B3GAT2: variants seen among roughly 807,000 people sequenced by gnomAD.
B3GAT2 encodes the protein galactosylgalactosylxylosylprotein 3-beta-glucuronosyltransferase 2.
Under a neutral mutation model 27.8 loss-of-function variants are expected in B3GAT2, and 26 were observed. The ratio of observed to expected loss-of-function variants is 0.93; its 90% CI spans 0.68 to 1.30. The LOEUF is 1.30. Among genes scored for constraint, B3GAT2 ranks in the 50% most tolerant of loss-of-function variants. The pLI, the probability that B3GAT2 is intolerant of heterozygous loss-of-function variation, is 0.00. For missense variants in B3GAT2, 458 were observed against 459.0 expected (o/e 1.00, Z 0.02); for synonymous variants, 218 against 195.1 (o/e 1.12, Z -0.98).
Position 70,956,332 on chromosome 6 carries a change from G to C in B3GAT2, c.98C>G (p.Pro33Arg), listed in dbSNP as rs768628314. 6.3e-7 allele frequency: 1 copy of C among 1,578,178 alleles called. No individual in the cohort carries two copies. The highest frequency in any genetic ancestry group is 8.6e-7 in the Non-Finnish European group (1 of 1,161,494). ...LDVDTRRPVP[P>R]LTPRPYFSPY... ...AGAGAAGTAGGGGCGCGGGGTGAGCGGGGGCACTGGCCTGCGCGTGTCCAC... is the reference window on the plus strand; with the variant it reads ...AGAGAAGTAGGGGCGCGGGGTGAGCCGGGGCACTGGCCTGCGCGTGTCCAC... The change falls in exon 1 of 4, where the codon CCG (proline) becomes CGG (arginine). Residue 33 changes from proline (P) to arginine (R), a missense_variant. Pro to Arg is a moderately radical substitution (Grantham distance 103). Coordinates refer to ENST00000230053, the MANE Select transcript of B3GAT2 (RefSeq NM_080742.3).
intron 1 of B3GAT2, among the ~76,000 whole-genome samples, chr6:70,900,252 A>G (rs757476380): frequency 1.6e-4 from 24 of 152,262 alleles, no homozygotes; most frequent in Non-Finnish European, 2.8e-4. Flanking sequence ...CACACAAGAT[A>G]TATTTGGTGC....
At chr6:70,870,239 T>C (rs1771911899) in intron 2 of B3GAT2, among the ~76,000 whole-genome samples, 1 of 151,516 alleles carries the variant, frequency 6.6e-6, no homozygotes. Flanking sequence ...ATGTCCTTTG[T>C]AGGGACATGG....
chr6:70,898,595 G>T (rs1772434261), intron 1 of B3GAT2, among the ~76,000 whole-genome samples: 1 of 152,116 alleles, frequency 6.6e-6, no homozygotes, highest in Non-Finnish European at 1.5e-5. Context: ...TTTTGGGTAA[G>T]ATAATCTTCT....
At chr6:70,909,696 T>A (rs1340059939) in intron 1 of B3GAT2, among the ~76,000 whole-genome samples, 1 of 152,216 alleles carries the variant, frequency 6.6e-6, no homozygotes, top group African/African-American at 2.4e-5. Flanking sequence ...TCTTTTGTGA[T>A]CCACTGCCCA....
At chr6:70,934,276 C>T (rs1773105172) in intron 1 of B3GAT2, among the ~76,000 whole-genome samples, 1 of 152,152 alleles carries the variant, frequency 6.6e-6, no homozygotes, top group Non-Finnish European at 1.5e-5. Flanking sequence ...CTTGGCATCC[C>T]TACATACGGC....
chr6:70,936,206 T>C (rs1245386057), intron 1 of B3GAT2, among the ~76,000 whole-genome samples: 1 of 152,000 alleles, frequency 6.6e-6, no homozygotes, highest in African/African-American at 2.4e-5. Flanking sequence ...GAGCTAACTA[T>C]CCTAAATATA....
At chr6:70,943,150 T>C (rs1056459912) in intron 1 of B3GAT2, among the ~76,000 whole-genome samples, 4 of 152,026 alleles carry the variant, frequency 2.6e-5, no homozygotes, top group African/African-American at 7.2e-5. Flanking sequence ...CAAATCCACC[T>C]CCAAGTTTTC....
intron 1 of B3GAT2, among the ~76,000 whole-genome samples, chr6:70,946,994 C>T (rs1490802347): frequency 1.3e-5 from 2 of 151,866 alleles, no homozygotes; most frequent in Admixed American, 6.6e-5. Context: ...GGGTACATAA[C>T]GAAATGAAGG....
intron 2 of B3GAT2, among the ~76,000 whole-genome samples, chr6:70,885,247 T>C (rs1411332573): frequency 6.6e-6 from 1 of 152,152 alleles, no homozygotes; most frequent in African/African-American, 2.4e-5. Context: ...AATTTGCATA[T>C]TGAATACTTG....
rs1225337694 is a variant in B3GAT2, at chr6:70,861,620, T to C, written c.*43A>G. On this transcript the variant is annotated 3_prime_UTR_variant, in exon 4 of 4. Coordinates refer to ENST00000230053, the MANE Select transcript of B3GAT2 (RefSeq NM_080742.3). ...TAAACTCCAAACATCCTCTTCCATA[T>C]GGATCCACTGGCTGGACAAACTGCA... is the stretch of plus-strand genomic sequence containing the variant. The C allele has an allele frequency of 1.3e-6, 2 of 1,563,586 alleles. No homozygotes were observed. Among genetic ancestry groups the C allele is most frequent in the East Asian group, 2.2e-5 (1 of 44,554 alleles).
intron 1 of B3GAT2, among the ~76,000 whole-genome samples, chr6:70,912,540 A>G (rs1772704341): frequency 6.6e-6 from 1 of 152,002 alleles, no homozygotes; most frequent in Non-Finnish European, 1.5e-5. Flanking sequence ...CTAGTATTTT[A>G]TTGAGAATTT....
chr6:70,858,039 TG>T lies in B3GAT2; in HGVS notation c.*3623del. ...GCTCCTGGCCTTATAGGAAATGTGATGGGACAGAGTCCAAGCATGATGGTGG... is the reference window on the plus strand; with the variant it reads ...GCTCCTGGCCTTATAGGAAATGTGATGGACAGAGTCCAAGCATGATGGTGG... On this transcript the variant is annotated 3_prime_UTR_variant, in exon 4 of 4. Coordinates refer to ENST00000230053, the MANE Select transcript of B3GAT2 (RefSeq NM_080742.3). The T allele has an allele frequency of 6.2e-7, 1 of 1,614,164 alleles. No homozygotes were observed. The highest frequency in any genetic ancestry group is 8.5e-7 in the Non-Finnish European group (1 of 1,180,006).
At chr6:70,928,783 A>T (rs1773008030) in intron 1 of B3GAT2, among the ~76,000 whole-genome samples, 1 of 151,692 alleles carries the variant, frequency 6.6e-6, no homozygotes, top group Non-Finnish European at 1.5e-5. Context: ...AGGCAGGAGA[A>T]AGAAATAAAA....
intron 2 of B3GAT2, among the ~76,000 whole-genome samples, chr6:70,862,747 ATC>A (rs1321612757): frequency 1.3e-5 from 2 of 152,158 alleles, no homozygotes; most frequent in African/African-American, 4.8e-5. Context: ...AGGCAGAAGG[ATC>A]TCTTGAGCCC....
chr6:70,956,720 C>G lies in B3GAT2; in HGVS notation c.-291G>C. 1 of 1,327,784 alleles carries G rather than the reference C, an allele frequency of 7.5e-7. No homozygotes were observed. The allele number at this position is 1,327,784 out of a possible 1,614,324, so 82.3% of individuals were successfully genotyped here. On this transcript the variant is annotated 5_prime_UTR_variant, in exon 1 of 4. Transcript: ENST00000230053. The stretch of plus-strand genomic sequence containing the variant: ...GGGACTCGGTCCAGCCGCGCGCCGC[C>G]GGTCCCGGAGTTGTGCCGAGTGCGG...
Position 70,956,828 on chromosome 6 carries a change from G to A in B3GAT2, c.-399C>T. 9.4e-7 allele frequency: 1 copy of A among 1,068,950 alleles called. No homozygotes were observed. Among genetic ancestry groups the A allele is most frequent in the Non-Finnish European group, 1.1e-6 (1 of 882,744 alleles). 66.2% of individuals were successfully genotyped at this position (1,068,950 alleles called of 1,614,324 possible). On this transcript the variant is annotated 5_prime_UTR_variant, in exon 1 of 4. Coordinates refer to ENST00000230053, the MANE Select transcript of B3GAT2 (RefSeq NM_080742.3). ...CCGGTGCGCCTCGCCGCTCCAGTCC[G>A]GCGGTGCTGCGGGCACAAGGGCTCC...
chr6:70,859,497 A>G lies in B3GAT2; in HGVS notation c.*2166T>C. 2.3e-6 allele frequency: 2 copies of G among 886,076 alleles called. No homozygotes were observed. Among genetic ancestry groups the G allele is most frequent in the Non-Finnish European group, 3.4e-6 (2 of 584,210 alleles). The allele number at this position is 886,076 out of a possible 1,614,324, so 54.9% of individuals were successfully genotyped here. On this transcript the variant is annotated 3_prime_UTR_variant, in exon 4 of 4. Coordinates refer to ENST00000230053, the MANE Select transcript of B3GAT2 (RefSeq NM_080742.3). Reference sequence around the variant, plus strand: ...TATGTTAGTGTCTTTGAAACTGTAAATAAGTCAAGTCAAATGTATTAAATT... The same window carrying G: ...TATGTTAGTGTCTTTGAAACTGTAAGTAAGTCAAGTCAAATGTATTAAATT...
intron 2 of B3GAT2, among the ~76,000 whole-genome samples, chr6:70,879,860 C>T (rs1772071804): frequency 6.6e-6 from 1 of 152,150 alleles, no homozygotes; most frequent in South Asian, 2.1e-4. Flanking sequence ...AAGCTGAGTG[C>T]ACAGAGAACA....
At chr6:70,877,804 G>C (rs1224217962) in intron 2 of B3GAT2, among the ~76,000 whole-genome samples, 1 of 152,196 alleles carries the variant, frequency 6.6e-6, no homozygotes, top group Non-Finnish European at 1.5e-5. Flanking sequence ...TTCAATTTCA[G>C]CTTGTGTTTC....
Sources: allele counts gnomAD v4.1 joint callset (sites outside exome capture counted in the v4.1 genomes callset), GRCh38; gene constraint gnomAD v4.1.1; transcripts MANE v1.5; gene names NCBI Gene and HGNC (gene_info 2026-07-23, HGNC 2026-07-21).